ATP6V1C1: variants seen among roughly 807,000 people sequenced by gnomAD.
ATP6V1C1 encodes the protein ATPase H+ transporting V1 subunit C1.
In ATP6V1C1, 45 loss-of-function variants were observed where a neutral mutation model predicts 53.9. That is an observed-to-expected ratio of 0.83 (90% CI 0.66 to 1.07). ATP6V1C1 has a LOEUF of 1.07. ATP6V1C1 is among the 50% of genes least tolerant of loss of function. The pLI is 0.00. For missense variants in ATP6V1C1, 315 were observed against 440.3 expected (o/e 0.72, Z 2.55); for synonymous variants, 153 against 155.2 (o/e 0.99, Z 0.11).
intron 2 of ATP6V1C1, among the ~76,000 whole-genome samples, chr8:103,041,393 G>A (rs916017590): frequency 2.6e-5 from 4 of 151,934 alleles, no homozygotes; most frequent in African/African-American, 7.3e-5. Flanking sequence ...TATTTAATCC[G>A]GTTAATCTAT....
At chr8:103,032,361 A>G (rs1816813843) in intron 1 of ATP6V1C1, among the ~76,000 whole-genome samples, 1 of 152,242 alleles carries the variant, frequency 6.6e-6, no homozygotes, top group Non-Finnish European at 1.5e-5. Context: ...AAGGCCAAGA[A>G]CACTAAGTGT....
At chr8:103,058,913 C>CT (rs1032829321) in intron 8 of ATP6V1C1, among the ~76,000 whole-genome samples, 5 of 151,328 alleles carry the variant, frequency 3.3e-5, no homozygotes, top group Admixed American at 6.6e-5. Context: ...TGCTGTTCTG[C>CT]TTTTTTTTGT....
At chr8:103,044,691 T>C (rs996585194) in intron 3 of ATP6V1C1, among the ~76,000 whole-genome samples, 6 of 149,330 alleles carry the variant, frequency 4.0e-5, no homozygotes, top group South Asian at 2.1e-4. Context: ...TTTTTTTTTT[T>C]CAAGATTGGC....
At chr8:103,035,219 T>C (rs1816872593) in intron 1 of ATP6V1C1, among the ~76,000 whole-genome samples, 1 of 152,172 alleles carries the variant, frequency 6.6e-6, no homozygotes, top group Non-Finnish European at 1.5e-5. Context: ...TAATTTTTAC[T>C]GTAAAATAAG....
At chr8:103,055,970 C>T (rs1817284062) in intron 8 of ATP6V1C1, 34 bp downstream of exon 8, 1 of 1,588,750 alleles carries the variant, frequency 6.3e-7, no homozygotes, top group Non-Finnish European at 8.6e-7. Context: ...CATTTGTTTC[C>T]TAGAATTCCT....
rs914291139 is a variant in ATP6V1C1, at chr8:103,072,116, A to G, written c.*3369A>G. On this transcript the variant is annotated 3_prime_UTR_variant, in exon 13 of 13. Transcript: ENST00000518738. ...TGTGGAACACATTCCACACTTTGAA[A>G]TCTTCGTGGAACAAAAGATATTTGT... The G allele has an allele frequency of 1.3e-5, 2 of 152,238 alleles. No individual in the cohort carries two copies. The highest frequency in any genetic ancestry group is 2.4e-5 in the African/African-American group (1 of 41,466). The allele number at this position is 152,238 out of a possible 1,614,324, so 9.4% of individuals were successfully genotyped here. A position where few individuals can be genotyped will look rare whatever the true frequency, so the allele number is the denominator to read the frequency against.
In ATP6V1C1 at chr8:103,072,224, A is replaced by G. The variant is rs758867219; in HGVS notation, c.*3477A>G. The G allele has an allele frequency of 6.6e-6, 1 of 152,240 alleles. No individual in the cohort carries two copies. The highest frequency in any genetic ancestry group is 2.1e-4 in the South Asian group (1 of 4,832). 9.4% of individuals were successfully genotyped at this position (152,240 alleles called of 1,614,324 possible). On this transcript the variant is annotated 3_prime_UTR_variant, in exon 13 of 13. Transcript: ENST00000518738. ...ACCTTTAAAGTAACACTTTGTACAT[A>G]ACAAATACTCAGCAAATGTGAAACT...
chr8:103,039,068 T>G (rs926185892), intron 1 of ATP6V1C1, among the ~76,000 whole-genome samples: 1 of 152,130 alleles, frequency 6.6e-6, no homozygotes, highest in Non-Finnish European at 1.5e-5. Flanking sequence ...TTTTTTAAAA[T>G]TTTTTTTCTA....
chr8:103,066,533 G>T, intron 12 of ATP6V1C1, 86 bp downstream of exon 12: 3 of 1,359,314 alleles, frequency 2.2e-6, no homozygotes, highest in Non-Finnish European at 9.7e-7. Context: ...GAAAAGGGAG[G>T]GTAAGTATGA....
chr8:103,063,309 T>A, intron 10 of ATP6V1C1, 81 bp downstream of exon 10: 1 of 931,738 alleles, frequency 1.1e-6, no homozygotes, highest in Non-Finnish European at 1.6e-6. Context: ...TAAAAGAAAG[T>A]AAAAATCTGC....
chr8:103,043,489 ATT>A (rs60182020), intron 3 of ATP6V1C1, among the ~76,000 whole-genome samples: 22 of 141,896 alleles, frequency 1.6e-4, no homozygotes, highest in African/African-American at 1.0e-4. Flanking sequence ...CGCCCAGCTA[ATT>A]TTTTTTTTTT....
At chr8:103,053,099 A>C (rs1452420137) in intron 6 of ATP6V1C1, among the ~76,000 whole-genome samples, 1 of 152,016 alleles carries the variant, frequency 6.6e-6, no homozygotes, top group Non-Finnish European at 1.5e-5. Flanking sequence ...ATTTCACTGA[A>C]AAATAGTCTA....
chr8:103,022,660 T>C (rs1187828253), intron 1 of ATP6V1C1, among the ~76,000 whole-genome samples: 1 of 152,188 alleles, frequency 6.6e-6, no homozygotes, highest in Non-Finnish European at 1.5e-5. Context: ...AACAATTTTA[T>C]TTATATTCTT....
intron 3 of ATP6V1C1, among the ~76,000 whole-genome samples, chr8:103,042,636 T>C (rs1817021648): frequency 6.6e-6 from 1 of 152,238 alleles, no homozygotes; most frequent in Non-Finnish European, 1.5e-5. Flanking sequence ...GGGATATAGT[T>C]TACATGCCAT....
chr8:103,043,940 A>G (rs1586316188), intron 3 of ATP6V1C1, among the ~76,000 whole-genome samples: 1 of 151,808 alleles, frequency 6.6e-6, no homozygotes, highest in East Asian at 1.9e-4. Flanking sequence ...CCAGGCTGGA[A>G]TGCAGTGGCC....
At chr8:103,037,354 T>TA (rs934126182) in intron 1 of ATP6V1C1, among the ~76,000 whole-genome samples, 3 of 150,908 alleles carry the variant, frequency 2.0e-5, no homozygotes, top group Non-Finnish European at 3.0e-5. Context: ...TAAAAATAAT[T>TA]AAAAAAAAAG....
chr8:103,066,384 A>T lies in ATP6V1C1; in HGVS notation c.990A>T (p.Lys330Asn). The T allele has an allele frequency of 2.5e-6, 4 of 1,613,592 alleles. No homozygotes were observed. Among genetic ancestry groups the T allele is most frequent in the Non-Finnish European group, 3.4e-6 (4 of 1,179,892 alleles). Residue 330 changes from lysine (K) to asparagine (N), a missense_variant, in exon 12 of 13, where the codon AAA becomes AAT. By Grantham distance (94) the Lys-to-Asn change is moderately conservative. Coordinates refer to ENST00000518738, the MANE Select transcript of ATP6V1C1 (RefSeq NM_001695.5). ...AGCCCAATAAGAAAACTTTGAAGAA[A>T]CTGAGAGAAGTATTACATGAATTGT... ...LLQPNKKTLK[K>N]LREVLHELYK...
intron 1 of ATP6V1C1, among the ~76,000 whole-genome samples, chr8:103,021,681 C>G (rs1172408864): frequency 6.6e-6 from 1 of 151,972 alleles, no homozygotes; most frequent in Admixed American, 6.6e-5. Flanking sequence ...GTTTAAAGGC[C>G]TAGGAGCCCC....
At chr8:103,062,811 C>T (rs1817424863) in intron 8 of ATP6V1C1, 144 bp from the exon 9 acceptor site, 1 of 651,832 alleles carries the variant, frequency 1.5e-6, no homozygotes, top group African/African-American at 1.8e-5. Context: ...GTGTTTGAGG[C>T]AATCCAGATT....
Sources: gnomAD v4.1 joint callset for allele counts (sites outside exome capture counted in the v4.1 genomes callset) on GRCh38, gnomAD v4.1.1 for gene constraint, MANE v1.5 for transcripts, NCBI Gene and HGNC (gene_info 2026-07-23, HGNC 2026-07-21) for gene names.